Variants in ITPR2 observed in about 807,000 individuals in gnomAD.
The protein encoded by ITPR2 is inositol 1,4,5-trisphosphate-gated calcium channel ITPR2.
A neutral mutation model predicts 317.1 loss-of-function variants in ITPR2; 207 were observed. The observed-to-expected ratio is 0.65, with a 90% CI of 0.58 to 0.73. ITPR2 has a LOEUF of 0.73. Ranked by LOEUF, ITPR2 falls within the 30% of genes least tolerant of loss-of-function variation. The probability of loss-of-function intolerance (pLI) is 0.00; values close to 1 mark genes in which losing one functional copy is unlikely to be tolerated. For missense variants in ITPR2, 2,613 were observed against 3,284.0 expected, an observed-to-expected ratio of 0.80 and a Z score of 4.99; for synonymous variants, 1,156 against 1,149.1, an observed-to-expected ratio of 1.01 and a Z score of -0.12.
chr12:26,511,067 T>C (rs1337171813), intron 37 of ITPR2, among the ~76,000 whole-genome samples: 3 of 152,246 alleles, frequency 2.0e-5, no homozygotes. Context: ...TCATCTTGAC[T>C]TCCCCAAATT....
chr12:26,772,561 T>TCA (rs1565752448), intron 2 of ITPR2, among the ~76,000 whole-genome samples: 5 of 139,416 alleles, frequency 3.6e-5, no homozygotes, highest in Non-Finnish European at 7.7e-5. Flanking sequence ...AATACATGTA[T>TCA]TATATATATA....
intron 37 of ITPR2, among the ~76,000 whole-genome samples, chr12:26,549,269 A>G (rs551089244): frequency 3.3e-5 from 5 of 152,360 alleles, no homozygotes; most frequent in South Asian, 2.1e-4. Flanking sequence ...AGTGATGCAG[A>G]GAACTAATGC....
intron 34 of ITPR2, among the ~76,000 whole-genome samples, chr12:26,567,907 G>C (rs952381270): frequency 4.3e-5 from 6 of 138,374 alleles, no homozygotes; most frequent in African/African-American, 1.6e-4. Flanking sequence ...TCCAAAGTTA[G>C]CTTACTTTTA....
intron 48 of ITPR2, among the ~76,000 whole-genome samples, chr12:26,433,626 TTTAA>T (rs1941277339): frequency 6.6e-6 from 1 of 152,162 alleles, no homozygotes; most frequent in Non-Finnish European, 1.5e-5. Context: ...ATCTTTGTAT[TTTAA>T]AAAATACAAA....
chr12:26,800,049 G>T (rs967721815), intron 1 of ITPR2, among the ~76,000 whole-genome samples: 1 of 151,960 alleles, frequency 6.6e-6, no homozygotes, highest in South Asian at 2.1e-4. Flanking sequence ...GTGCTCTCAG[G>T]AAAAAAGGCC....
chr12:26,523,106 A>AT lies in ITPR2; in HGVS notation c.5073+27140dup, dbSNP rs551538286. On this transcript the variant is annotated intron_variant, in intron 37 of 56. Coordinates refer to ENST00000381340, the MANE Select transcript of ITPR2 (RefSeq NM_002223.4). ...TGGGATAGCCAAGCTCACATCATTG[A>AT]TTTTGGTTGTTCCCCAGAGGCTCTT... 2.5e-3 allele frequency among the ~76,000 whole-genome samples: 379 copies of AT among 152,318 alleles called. 2 individuals are homozygous for AT. The highest frequency in any genetic ancestry group is 3.5e-3 in the Non-Finnish European group (241 of 68,030).
At chr12:26,421,307 G>A (rs1327899326) in intron 49 of ITPR2, 1 of 152,148 alleles carries the variant, frequency 6.6e-6, no homozygotes, top group Non-Finnish European at 1.5e-5. Flanking sequence ...TCTAGAGCTT[G>A]ATGAATAGAT....
chr12:26,790,376 AT>A (rs1453460448), intron 1 of ITPR2, 149 bp from the exon 2 acceptor site: 2 of 628,434 alleles, frequency 3.2e-6, no homozygotes, highest in Non-Finnish European at 5.5e-6. Flanking sequence ...CTGTAAAAAG[AT>A]TTGGTTGTAG....
At chr12:26,563,272 A>G (rs1183783795) in intron 34 of ITPR2, among the ~76,000 whole-genome samples, 1 of 152,200 alleles carries the variant, frequency 6.6e-6, no homozygotes, top group Non-Finnish European at 1.5e-5. Flanking sequence ...GAGACCATCA[A>G]GTAAGAGGTA....
At chr12:26,462,673 CT>C (rs1555134095) in intron 45 of ITPR2, among the ~76,000 whole-genome samples, 984 of 62,748 alleles carry the variant, frequency 0.016, 13 homozygotes, top group African/African-American at 0.031. Context: ...AGCTTTCTTT[CT>C]TTTTTTTTTT....
At chr12:26,707,279 C>T (rs760511583) in intron 9 of ITPR2, among the ~76,000 whole-genome samples, 6 of 152,078 alleles carry the variant, frequency 3.9e-5, no homozygotes, top group Non-Finnish European at 8.8e-5. Context: ...TTTATGAATT[C>T]CAAAAATAAT....
chr12:26,374,766 C>T (rs1939288984), intron 55 of ITPR2, among the ~76,000 whole-genome samples: 1 of 152,198 alleles, frequency 6.6e-6, no homozygotes, highest in Admixed American at 6.5e-5. Flanking sequence ...ATTTCCAAAA[C>T]ATCTTGATCT....
intron 52 of ITPR2, among the ~76,000 whole-genome samples, chr12:26,404,022 A>G (rs1940266246): frequency 6.6e-6 from 1 of 152,192 alleles, no homozygotes; most frequent in Non-Finnish European, 1.5e-5. Context: ...CAAGGCAGCG[A>G]TTTCTGACAA....
chr12:26,722,324 TG>T, intron 5 of ITPR2, 72 bp downstream of exon 5: 1 of 1,331,410 alleles, frequency 7.5e-7, no homozygotes, highest in Non-Finnish European at 1.0e-6. Flanking sequence ...TTGTACTTTC[TG>T]GATTATCTTA....
chr12:26,655,734 T>C lies in ITPR2; in HGVS notation c.2563A>G (p.Lys855Glu), dbSNP rs959961806. The change falls in exon 20 of 57, where the codon AAA becomes GAA. Residue 855 changes from lysine (K) to glutamate (E), a missense_variant. Lys to Glu is a moderately conservative substitution (Grantham distance 56). Around this residue, in one of 9 missense-constraint regions of ITPR2, gnomAD observed 817 missense variants for 897.6 expected, o/e 0.91. Transcript: ENST00000381340. ...TCAAATGTCAGTTTATTTTTTTCTTTATCCCCAAAAGGAAAGGGCTGGTTT... is the reference window on the plus strand; with the variant it reads ...TCAAATGTCAGTTTATTTTTTTCTTCATCCCCAAAAGGAAAGGGCTGGTTT... The part of the protein sequence containing the change: ...VVNQPFPFGD[K>E]EKNKLTFEVV... 1.2e-6 allele frequency: 2 copies of C among 1,613,558 alleles called. No homozygotes were observed. Among genetic ancestry groups the C allele is most frequent in the Admixed American group, 1.7e-5 (1 of 59,994 alleles).
At chr12:26,718,214 C>A (rs1055194126) in intron 5 of ITPR2, among the ~76,000 whole-genome samples, 1 of 152,294 alleles carries the variant, frequency 6.6e-6, no homozygotes, top group East Asian at 1.9e-4. Flanking sequence ...CCCCCCACCC[C>A]CTGACAGGCT....
At position 26,655,689 on chromosome 12, in the gene ITPR2, T is replaced by C. The variant is rs944691288; in HGVS notation, c.2589+19A>G. 8.8e-6 allele frequency: 14 copies of C among 1,594,140 alleles called. No individual in the cohort carries two copies. In the African/African-American group the frequency reaches 1.6e-4, roughly 19 times the overall value. ...TACCCAGTTACCAAAACATCCTAAA[T>C]ATTAGAGGGACAAAGTACCTCAAAT... On this transcript the variant is annotated intron_variant, in intron 20 of 56. Transcript: ENST00000381340.
intron 2 of ITPR2, among the ~76,000 whole-genome samples, chr12:26,767,261 T>C (rs1205783104): frequency 6.6e-6 from 1 of 152,184 alleles, no homozygotes; most frequent in Non-Finnish European, 1.5e-5. Flanking sequence ...GTGTAGGCAA[T>C]ATCTGGCTGC....
At chr12:26,701,016 C>A (rs7307114) in intron 9 of ITPR2, among the ~76,000 whole-genome samples, 40,090 of 152,086 alleles carry the variant, frequency 0.26, 5,995 homozygotes, top group African/African-American at 0.41. Flanking sequence ...AGATCAAAGG[C>A]AGGGTCCACT....
Sources: allele counts gnomAD v4.1 joint callset (sites outside exome capture counted in the v4.1 genomes callset), GRCh38; gene constraint gnomAD v4.1.1; regional missense constraint gnomAD v4.1.1; transcripts MANE v1.5; gene names NCBI Gene and HGNC (gene_info 2026-07-23, HGNC 2026-07-21).